Variants in VMAC observed in about 807,000 individuals in gnomAD.
The protein encoded by VMAC is vimentin-type intermediate filament-associated coiled-coil protein.
A neutral mutation model predicts 4.8 loss-of-function variants in VMAC; 8 were observed. The ratio of observed to expected loss-of-function variants is 1.68; its 90% CI spans 0.99 to 3.03. The LOEUF is 3.03. Ranked by LOEUF, VMAC falls within the 30% of genes most tolerant of loss-of-function variation. The pLI is 0.00. For missense variants in VMAC, 248 were observed against 245.1 expected (o/e 1.01, Z -0.08); for synonymous variants, 96 against 113.7 (o/e 0.84, Z 0.99).
intron 1 of VMAC, among the ~76,000 whole-genome samples, chr19:5,906,190 G>A (rs1479198196): frequency 6.6e-6 from 1 of 151,756 alleles, no homozygotes; most frequent in African/African-American, 2.4e-5. Context: ...GGCTGGCCTT[G>A]AACTCCTGGG....
chr19:5,906,327 C>T (rs1426806325), intron 1 of VMAC, among the ~76,000 whole-genome samples: 2 of 152,214 alleles, frequency 1.3e-5, no homozygotes, highest in Admixed American at 6.5e-5. Context: ...ATGAGACAGG[C>T]ACCCAGGGAG....
At position 5,909,095 on chromosome 19, in the gene VMAC, G is replaced by T. The variant is rs766867429; in HGVS notation, c.463G>T (p.Ala155Ser). Residue 155 changes from alanine to serine, a missense_variant, in exon 2 of 2, where the codon GCG (alanine) becomes TCG (serine). By Grantham distance (99) the Ala-to-Ser change is moderately conservative. Transcript: ENST00000339485. The part of the protein sequence containing the change: ...PPLDNSTGEE[A>S]DRDHLQPAVF... ...CCTTGACAACAGCACTGGGGAAGAG[G>T]CGGACAGGGACCACCTCCAGCCTGC... is the stretch of plus-strand genomic sequence containing the variant. 6.6e-5 allele frequency: 103 copies of T among 1,555,834 alleles called. No individual in the cohort carries two copies. Among genetic ancestry groups the T allele is most frequent in the Non-Finnish European group, 8.1e-5 (94 of 1,155,652 alleles).
chr19:5,906,328 A>C (rs1478013531), intron 1 of VMAC, among the ~76,000 whole-genome samples: 1 of 152,158 alleles, frequency 6.6e-6, no homozygotes, highest in African/African-American at 2.4e-5. Flanking sequence ...TGAGACAGGC[A>C]CCCAGGGAGG....
At chr19:5,905,323 C>T (rs1320900182) in intron 1 of VMAC, among the ~76,000 whole-genome samples, 9 of 152,236 alleles carry the variant, frequency 5.9e-5, no homozygotes, top group Non-Finnish European at 1.2e-4. Flanking sequence ...TGCTGAGCGA[C>T]GCAGGGACCA....
In VMAC at chr19:5,904,944, C is replaced by A; in HGVS notation, c.54C>A (p.Ala18=). The A allele has an allele frequency of 6.7e-7, 1 of 1,483,938 alleles. No homozygotes were observed. Among genetic ancestry groups the A allele is most frequent in the Non-Finnish European group, 8.9e-7 (1 of 1,127,368 alleles). The allele number at this position is 1,483,938 out of a possible 1,614,324, so 91.9% of individuals were successfully genotyped here. A position where few individuals can be genotyped will look rare whatever the true frequency, so the allele number is the denominator to read the frequency against. ...QIREANAHLA[A]VHRRAAELEA... is the part of the protein sequence containing the mutation. ...GGGAGGCAAACGCACACCTGGCAGCCGTGCACCGGCGCGCAGCGGAGCTGG... is the reference window on the plus strand; with the variant it reads ...GGGAGGCAAACGCACACCTGGCAGCAGTGCACCGGCGCGCAGCGGAGCTGG... Residue 18 remains alanine, a synonymous_variant, in exon 1 of 2, where the codon GCC becomes GCA. Transcript: ENST00000339485.
chr19:5,908,797 A>C lies in VMAC; in HGVS notation c.192-27A>C. 6.2e-7 allele frequency: 1 copy of C among 1,611,808 alleles called. No homozygotes were observed. Among genetic ancestry groups the C allele is most frequent in the Non-Finnish European group, 8.5e-7 (1 of 1,179,070 alleles). On this transcript the variant is annotated intron_variant, in intron 1 of 1. Transcript: ENST00000339485. This position sits in a 1 kb window ranked among gnomAD's most constrained non-coding sequence, Gnocchi z 4.5. ...CAGGTGCTGTGGTCCTCAGTTCTGT[A>C]ATCACCTCCTCTTGCCTTCCTGCCA...
At chr19:5,905,751 A>ACTC (rs1217909938) in intron 1 of VMAC, among the ~76,000 whole-genome samples, 1 of 149,920 alleles carries the variant, frequency 6.7e-6, no homozygotes, top group African/African-American at 2.5e-5. Flanking sequence ...GCAGGGCCTC[A>ACTC]CTCCTATGCC....
In VMAC at chr19:5,908,213, G is replaced by A. The variant is rs369807283; in HGVS notation, c.192-611G>A. On this transcript the variant is annotated intron_variant, in intron 1 of 1. Coordinates refer to ENST00000339485, the MANE Select transcript of VMAC (RefSeq NM_001017921.4). This position sits in a 1 kb window ranked among gnomAD's most constrained non-coding sequence, Gnocchi z 4.5. ...ACAAAAATCAGTCAGGCATGGTGGC[G>A]CATGCCTGTAAACCCAGCTACTCGG... Among the ~76,000 whole-genome samples the A allele has an allele frequency of 7.9e-5, 12 of 152,154 alleles. No homozygotes were observed. The highest frequency in any genetic ancestry group is 2.1e-4 in the South Asian group (1 of 4,824).
chr19:5,908,591 G>A lies in VMAC; in HGVS notation c.192-233G>A, dbSNP rs544192438. The stretch of plus-strand genomic sequence containing the variant: ...AGATTGCACCATTGCACTCCAGCCT[G>A]GGCGACAGAGCTAGACTTCGTCTCA... On this transcript the variant is annotated intron_variant, in intron 1 of 1. Transcript: ENST00000339485. This position sits in a 1 kb window ranked among gnomAD's most constrained non-coding sequence, Gnocchi z 4.5. 6.1e-4 allele frequency among the ~76,000 whole-genome samples: 92 copies of A among 151,820 alleles called. No homozygotes were observed. The highest frequency in any genetic ancestry group is 2.1e-3 in the African/African-American group (89 of 41,396).
chr19:5,909,383 G>A lies in VMAC; in HGVS notation c.*241G>A, dbSNP rs1272344952. 2.1e-6 allele frequency: 1 copy of A among 484,056 alleles called. No homozygotes were observed. Among genetic ancestry groups the A allele is most frequent in the Non-Finnish European group, 3.6e-6 (1 of 279,894 alleles). 30.0% of individuals were successfully genotyped at this position (484,056 alleles called of 1,614,324 possible). A position where few individuals can be genotyped will look rare whatever the true frequency, so the allele number is the denominator to read the frequency against. On this transcript the variant is annotated 3_prime_UTR_variant, in exon 2 of 2. Coordinates refer to ENST00000339485, the MANE Select transcript of VMAC (RefSeq NM_001017921.4). Reference sequence around the variant, plus strand: ...AATCAGTCACCCTTGCTAAAAACCTGGCAATGCAAACACAAAGATCTGGAT... The same window carrying A: ...AATCAGTCACCCTTGCTAAAAACCTAGCAATGCAAACACAAAGATCTGGAT...
In VMAC at chr19:5,909,357, G is replaced by A; in HGVS notation, c.*215G>A. ...GTGTTCTTGTTTGTTTTTAAGCTTT[G>A]AATCAGTCACCCTTGCTAAAAACCT... On this transcript the variant is annotated 3_prime_UTR_variant, in exon 2 of 2. Transcript: ENST00000339485. The A allele has an allele frequency of 1.9e-6, 1 of 524,614 alleles. No homozygotes were observed. Among genetic ancestry groups the A allele is most frequent in the Non-Finnish European group, 3.3e-6 (1 of 307,606 alleles). 32.5% of individuals were successfully genotyped at this position (524,614 alleles called of 1,614,324 possible).
Position 5,909,012 on chromosome 19 carries a change from TG to T in VMAC, c.384del (p.Leu130CysfsTer91). 6.3e-7 allele frequency: 1 copy of T among 1,593,568 alleles called. No homozygotes were observed. ...GATGCCCTGGCTGAGGCTGAGCGCC[TG>T]GGGCCCCTGCCGGCCAGTGACCCCG... ...LLDALAEAER[L>X]GPLPASDPGH... On this transcript the variant is annotated frameshift_variant, in exon 2 of 2. Transcript: ENST00000339485. LOFTEE classifies it low-confidence loss of function (END_TRUNC).
chr19:5,905,216 A>G, intron 1 of VMAC, 135 bp downstream of exon 1: 1 of 988,530 alleles, frequency 1.0e-6, no homozygotes, highest in Non-Finnish European at 1.3e-6. Context: ...GATTGATAAA[A>G]ACACCAAAAA....
chr19:5,905,274 G>A (rs1383412200), intron 1 of VMAC, among the ~76,000 whole-genome samples, 193 bp downstream of exon 1: 1 of 152,246 alleles, frequency 6.6e-6, no homozygotes, highest in Non-Finnish European at 1.5e-5. Context: ...TGACACAGGT[G>A]TGGACCTCTA....
In VMAC at chr19:5,908,490, C is replaced by T. The variant is rs2057686691; in HGVS notation, c.192-334C>T. Among the ~76,000 whole-genome samples the T allele has an allele frequency of 1.3e-5, 2 of 152,036 alleles. No individual in the cohort carries two copies. The highest frequency in any genetic ancestry group is 1.5e-5 in the Non-Finnish European group (1 of 68,022). ...AACTAGCCGGGCATAGTGGTGGGCA[C>T]CTGTAATCCCAGCTACTAGGGAGGC... On this transcript the variant is annotated intron_variant, in intron 1 of 1. Transcript: ENST00000339485. This position sits in a 1 kb window ranked among gnomAD's most constrained non-coding sequence, Gnocchi z 4.5.
rs2057673454 is a variant in VMAC at position 5,905,083 on chromosome 19, T to C, written c.191+2T>C. 3.7e-6 allele frequency: 5 copies of C among 1,351,220 alleles called. No individual in the cohort carries two copies. Among genetic ancestry groups the C allele is most frequent in the African/African-American group, 1.5e-5 (1 of 65,182 alleles). 83.7% of individuals were successfully genotyped at this position (1,351,220 alleles called of 1,614,324 possible). ...CGAACTGGGTCGCGCCAAGGACCGG[T>C]GAGGCCCGGGGCCGGCCAGGTGGAC... On this transcript the variant is annotated splice_donor_variant, in intron 1 of 1. Transcript: ENST00000339485. LOFTEE classifies it high-confidence loss of function.
At position 5,909,263 on chromosome 19, in the gene VMAC, C is replaced by G. The variant is rs2057689958; in HGVS notation, c.*121C>G. On this transcript the variant is annotated 3_prime_UTR_variant, in exon 2 of 2. Transcript: ENST00000339485. ...CCAAAGTCCTGTCTAAGCATCAGAA[C>G]AGGCTGAACAGTCAAAAAGTTTTCA... The G allele has an allele frequency of 1.7e-6, 2 of 1,151,534 alleles. No individual in the cohort carries two copies. The highest frequency in any genetic ancestry group is 3.1e-5 in the Admixed American group (1 of 32,584). 71.3% of individuals were successfully genotyped at this position (1,151,534 alleles called of 1,614,324 possible).
At position 5,910,675 on chromosome 19, in the gene VMAC, A is replaced by AAAC. The variant is rs57251248; in HGVS notation, c.*1569_*1571dup. 0.37 allele frequency: 53,834 copies of AAAC among 146,946 alleles called. 10,343 individuals carry two copies. The highest frequency in any genetic ancestry group is 0.6 in the East Asian group (2,950 of 4,908). The allele number at this position is 146,946 out of a possible 1,614,324, so 9.1% of individuals were successfully genotyped here. On this transcript the variant is annotated 3_prime_UTR_variant, in exon 2 of 2. Coordinates refer to ENST00000339485, the MANE Select transcript of VMAC (RefSeq NM_001017921.4). Reference sequence around the variant, plus strand: ...ACAGAGTGAGACTCAGTCTCAAAGAAAACAACAACAACAACAACAACAACA... The same window carrying AAAC: ...ACAGAGTGAGACTCAGTCTCAAAGAAAACAACAACAACAACAACAACAACAACA...
rs2057688754 is a variant in VMAC at position 5,908,991 on chromosome 19, C to A, written c.359C>A (p.Ala120Asp). The change falls in exon 2 of 2, where the codon GCC (alanine) becomes GAC (aspartate). Residue 120 changes from alanine (A) to aspartate (D), a missense_variant. Transcript: ENST00000339485. The surrounding 1 kb of genome is among the most constrained non-coding windows in gnomAD (Gnocchi z 4.5). ...CCACCCCTGGCTGGGCTGCTGGATG[C>A]CCTGGCTGAGGCTGAGCGCCTGGGG... is the stretch of plus-strand genomic sequence containing the variant. ...RRPPLAGLLDALAEAERLGPL... is the reference protein window; with the variant it reads ...RRPPLAGLLDDLAEAERLGPL... 6.2e-7 allele frequency: 1 copy of A among 1,608,266 alleles called. No homozygotes were observed. Among genetic ancestry groups the A allele is most frequent in the Non-Finnish European group, 8.5e-7 (1 of 1,177,686 alleles).
Sources: gnomAD v4.1 joint callset for allele counts (sites outside exome capture counted in the v4.1 genomes callset) on GRCh38, gnomAD v4.1.1 for gene constraint, Gnocchi (gnomAD v3.1) non-coding constraint, MANE v1.5 for transcripts, NCBI Gene and HGNC (gene_info 2026-07-23, HGNC 2026-07-21) for gene names.